Variants in BLTP1 observed in about 807,000 individuals in gnomAD.
The protein encoded by BLTP1 is fragile site-associated protein.
the BLTP1 span, chr4:122,362,719 T>TAACTA: frequency 6.5e-6 from 1 of 153,668 alleles, no homozygotes; most frequent in Admixed American, 6.5e-5. Context: ...AAAATATTGT[T>TAACTA]AACTATTATA....
chr4:122,171,722 G>A, the BLTP1 span: 1 of 615,758 alleles, frequency 1.6e-6, no homozygotes, highest in South Asian at 7.3e-5. Flanking sequence ...TATAAGTAGA[G>A]ATGAAGTGTC....
At chr4:122,209,429 G>C in the BLTP1 span, 4 of 1,273,904 alleles carry the variant, frequency 3.1e-6, no homozygotes, top group Non-Finnish European at 4.4e-6. Context: ...TGGATCACCT[G>C]AGATCAGGAG....
At chr4:122,309,683 A>T in the BLTP1 span, among the ~76,000 whole-genome samples, 1 of 152,090 alleles carries the variant, frequency 6.6e-6, no homozygotes, top group Non-Finnish European at 1.5e-5. Flanking sequence ...TTGGTACTAT[A>T]ACATTTGAAT....
At chr4:122,240,734 G>A in the BLTP1 span, among the ~76,000 whole-genome samples, 4 of 152,040 alleles carry the variant, frequency 2.6e-5, no homozygotes. Context: ...AGGCTTCAAT[G>A]TCCACTTACT....
the BLTP1 span, chr4:122,170,709 C>T: frequency 6.3e-7 from 1 of 1,598,922 alleles, no homozygotes; most frequent in Non-Finnish European, 8.5e-7. Flanking sequence ...GATTTTCTTA[C>T]AGAACACAAT....
the BLTP1 span, chr4:122,306,651 C>T: frequency 6.3e-6 from 6 of 954,742 alleles, no homozygotes; most frequent in Admixed American, 1.2e-4. Flanking sequence ...ACAATAAGAA[C>T]GAAATAAACA....
chr4:122,352,355 C>CTTTTTTTTTTT, the BLTP1 span, among the ~76,000 whole-genome samples: 1 of 111,708 alleles, frequency 9.0e-6, no homozygotes, highest in Non-Finnish European at 1.9e-5. Flanking sequence ...TTTGGTTTTT[C>CTTTTTTTTTTT]TTTTTTTTTT....
At chr4:122,252,394 C>A in the BLTP1 span, among the ~76,000 whole-genome samples, 1 of 152,118 alleles carries the variant, frequency 6.6e-6, no homozygotes, top group African/African-American at 2.4e-5. Context: ...CATTTCTGGA[C>A]CTGCCCTGGG....
chr4:122,189,172 T>G, the BLTP1 span: 1 of 793,448 alleles, frequency 1.3e-6, no homozygotes, highest in African/African-American at 2.6e-5. Context: ...TATTTTTCAC[T>G]TAAGTGTGGA....
the BLTP1 span, among the ~76,000 whole-genome samples, chr4:122,338,251 G>C: frequency 6.6e-6 from 1 of 151,818 alleles, no homozygotes; most frequent in African/African-American, 2.4e-5. Flanking sequence ...TAGATCACTT[G>C]AGCCCAGGAG....
At chr4:122,262,670 G>A in the BLTP1 span, 1 of 1,423,416 alleles carries the variant, frequency 7.0e-7, no homozygotes, top group South Asian at 1.4e-5. Flanking sequence ...AAAGTAGCTA[G>A]CAGTTATAGC....
At chr4:122,155,995 AT>A in the BLTP1 span, 2 of 972,536 alleles carry the variant, frequency 2.1e-6, no homozygotes, top group Non-Finnish European at 2.4e-6. Context: ...TTAATGTTTA[AT>A]AAATACTTTT....
At chr4:122,325,938 A>G in the BLTP1 span, 9 of 812,016 alleles carry the variant, frequency 1.1e-5, no homozygotes, top group Non-Finnish European at 1.6e-5. Flanking sequence ...AGAACAATAT[A>G]AATTTTGCTT....
At chr4:122,313,586 G>A in the BLTP1 span, 1 of 1,521,038 alleles carries the variant, frequency 6.6e-7, no homozygotes, top group Non-Finnish European at 9.0e-7. Context: ...AGTCACAAAT[G>A]TATTTTTATT....
At chr4:122,172,316 G>C in the BLTP1 span, 1 of 721,708 alleles carries the variant, frequency 1.4e-6, no homozygotes, top group Non-Finnish European at 1.7e-6. Context: ...CTTTTGAAAA[G>C]GATAAGTAAG....
At chr4:122,154,016 A>G in the BLTP1 span, 2 of 985,202 alleles carry the variant, frequency 2.0e-6, no homozygotes, top group Non-Finnish European at 1.2e-6. Flanking sequence ...AAAATGCCAT[A>G]CTTTTCAGGT....
the BLTP1 span, chr4:122,197,200 C>A: frequency 8.2e-7 from 1 of 1,213,892 alleles, no homozygotes; most frequent in Non-Finnish European, 1.1e-6. Flanking sequence ...TGGTAGGAAA[C>A]AAATGCTGTA....
At chr4:122,315,965 A>G in the BLTP1 span, among the ~76,000 whole-genome samples, 2 of 152,138 alleles carry the variant, frequency 1.3e-5, no homozygotes, top group Admixed American at 6.6e-5. Context: ...ATGGGAAGAA[A>G]TTGCTAACAG....
At chr4:122,281,596 T>C in the BLTP1 span, 1 of 1,613,248 alleles carries the variant, frequency 6.2e-7, no homozygotes. Flanking sequence ...CCCCAACAAG[T>C]GTTAATCAAA....
Sources: allele counts gnomAD v4.1 joint callset (sites outside exome capture counted in the v4.1 genomes callset), GRCh38; gene constraint gnomAD v4.1.1; transcripts MANE v1.5; gene names NCBI Gene and HGNC (gene_info 2026-07-23, HGNC 2026-07-21).